LINGO2: variants seen among roughly 807,000 people sequenced by gnomAD.
LINGO2 encodes leucine rich repeat and Ig domain containing 2.
A neutral mutation model predicts 30.6 loss-of-function variants in LINGO2; 14 were observed. The observed-to-expected ratio is 0.46, with a 90% CI of 0.30 to 0.72. The LOEUF (loss-of-function observed/expected upper bound fraction) is 0.72, where lower values mean the gene tolerates loss of function less well. Ranked by LOEUF, LINGO2 falls within the 30% of genes least tolerant of loss-of-function variation. LINGO2 has a pLI of 0.07. For synonymous variants in LINGO2, 317 were observed against 288.5 expected, an observed-to-expected ratio of 1.10 and a Z score of -1.00; for missense variants, 729 against 751.7, an observed-to-expected ratio of 0.97 and a Z score of 0.35.
At chr9:28,387,832 C>T (rs1369463606) in intron 2 of LINGO2, among the ~76,000 whole-genome samples, 6 of 152,128 alleles carry the variant, frequency 3.9e-5, no homozygotes, top group South Asian at 2.1e-4. Context: ...CTGAAGTCAG[C>T]GAGACCACGA....
intron 2 of LINGO2, among the ~76,000 whole-genome samples, chr9:28,447,833 A>C (rs1824487553): frequency 6.6e-6 from 1 of 152,168 alleles, no homozygotes; most frequent in African/African-American, 2.4e-5. Flanking sequence ...ATTGTGATGC[A>C]CTGGATATAT....
At chr9:27,971,416 C>T (rs1406874246) in intron 5 of LINGO2, among the ~76,000 whole-genome samples, 1 of 152,124 alleles carries the variant, frequency 6.6e-6, no homozygotes, top group Non-Finnish European at 1.5e-5. Flanking sequence ...GAGTTCTGCT[C>T]CATCGCCCAG....
At chr9:28,281,167 G>A (rs868409527) in intron 4 of LINGO2, among the ~76,000 whole-genome samples, 5 of 152,120 alleles carry the variant, frequency 3.3e-5, no homozygotes, top group African/African-American at 1.2e-4. Context: ...AGGGTGAAAT[G>A]TGTAGACCCC....
At chr9:28,242,046 A>C (rs183825244) in intron 4 of LINGO2, among the ~76,000 whole-genome samples, 16 of 152,340 alleles carry the variant, frequency 1.1e-4, no homozygotes, top group Admixed American at 2.6e-4. Flanking sequence ...TTGAAACCCA[A>C]AAGGCCAGAG....
At chr9:28,939,601 T>C in the LINGO2 span, among the ~76,000 whole-genome samples, 4 of 152,194 alleles carry the variant, frequency 2.6e-5, no homozygotes, top group Non-Finnish European at 5.9e-5. Flanking sequence ...ACTCCTTTCA[T>C]ACTTTCATAG....
intron 5 of LINGO2, among the ~76,000 whole-genome samples, chr9:27,969,921 G>A (rs548482614): frequency 1.3e-5 from 2 of 152,144 alleles, no homozygotes; most frequent in South Asian, 4.2e-4. Context: ...TAGACCTGCC[G>A]TAGCAGAAAA....
At chr9:29,047,655 C>T in the LINGO2 span, among the ~76,000 whole-genome samples, 54,212 of 151,722 alleles carry the variant, frequency 0.36, 9,784 homozygotes, top group East Asian at 0.48. Context: ...AAAGGGCTTC[C>T]AAATTGGAAA....
At chr9:28,047,849 A>C (rs1004975753) in intron 4 of LINGO2, among the ~76,000 whole-genome samples, 10 of 151,126 alleles carry the variant, frequency 6.6e-5, no homozygotes, top group African/African-American at 2.2e-4. Flanking sequence ...AAAGGTAGGT[A>C]TAATTTTTGC....
intron 4 of LINGO2, among the ~76,000 whole-genome samples, chr9:28,246,119 T>C (rs1472938557): frequency 6.6e-6 from 1 of 151,952 alleles, no homozygotes; most frequent in Non-Finnish European, 1.5e-5. Context: ...TGGAACAGAA[T>C]AGAGACCTCA....
At chr9:28,403,565 T>C (rs983079940) in intron 2 of LINGO2, among the ~76,000 whole-genome samples, 4 of 152,076 alleles carry the variant, frequency 2.6e-5, no homozygotes, top group African/African-American at 9.7e-5. Flanking sequence ...TTATTTAACC[T>C]CTTCTAAACT....
the LINGO2 span, among the ~76,000 whole-genome samples, chr9:29,197,590 T>A: frequency 9.2e-5 from 14 of 152,226 alleles, no homozygotes; most frequent in African/African-American, 2.9e-4. Flanking sequence ...AGTGTTTCAA[T>A]TCAGGGTAAT....
At chr9:28,977,561 C>T in the LINGO2 span, among the ~76,000 whole-genome samples, 1 of 152,026 alleles carries the variant, frequency 6.6e-6, no homozygotes, top group African/African-American at 2.4e-5. Context: ...AGTGTTATGG[C>T]ACAGTTTTGC....
chr9:28,513,023 C>T (rs1374259225), intron 1 of LINGO2, among the ~76,000 whole-genome samples: 1 of 151,804 alleles, frequency 6.6e-6, no homozygotes, highest in African/African-American at 2.4e-5. Context: ...CACAGACACA[C>T]CCAAGATCAA....
intron 2 of LINGO2, among the ~76,000 whole-genome samples, chr9:28,390,885 GTCTA>G (rs1443182003): frequency 3.9e-5 from 6 of 151,976 alleles, no homozygotes; most frequent in Admixed American, 1.3e-4. Context: ...TTGAAAAAGC[GTCTA>G]TCTCTTTTAT....
At chr9:28,529,780 C>A (rs1821162147) in intron 1 of LINGO2, among the ~76,000 whole-genome samples, 1 of 151,608 alleles carries the variant, frequency 6.6e-6, no homozygotes, top group South Asian at 2.1e-4. Context: ...CCCAGGTTTA[C>A]CAGTCTATAA....
chr9:28,105,012 C>G (rs564665094), intron 4 of LINGO2, among the ~76,000 whole-genome samples: 1 of 152,108 alleles, frequency 6.6e-6, no homozygotes, highest in African/African-American at 2.4e-5. Flanking sequence ...TATGTACCTC[C>G]TCTGAAGAAC....
At position 28,068,601 on chromosome 9, in the gene LINGO2, CTT is replaced by C. The variant is rs1825382730; in HGVS notation, c.-86-56198_-86-56197del. 2.0e-5 allele frequency among the ~76,000 whole-genome samples: 3 copies of C among 152,258 alleles called. No homozygotes were observed. In the South Asian group the frequency reaches 6.2e-4, roughly 32 times the overall value. Reference sequence around the variant, plus strand: ...ATCATTACATACTTAGTAGTAATAACTTTTACTCATTTAGCAGTGAACAAAGT... The same window carrying C: ...ATCATTACATACTTAGTAGTAATAACTTACTCATTTAGCAGTGAACAAAGT... On this transcript the variant is annotated intron_variant, in intron 4 of 5. Transcript: ENST00000379992.
At chr9:28,288,661 G>C (rs766290575) in intron 4 of LINGO2, among the ~76,000 whole-genome samples, 1 of 152,140 alleles carries the variant, frequency 6.6e-6, no homozygotes, top group Admixed American at 6.6e-5. Context: ...CTTTTAAAAA[G>C]TGTTTAGAGG....
chr9:28,083,051 C>A (rs2133226655), intron 4 of LINGO2, among the ~76,000 whole-genome samples: 1 of 152,300 alleles, frequency 6.6e-6, no homozygotes, highest in African/African-American at 2.4e-5. Flanking sequence ...CCTTACTTGC[C>A]TGATTCTCTA....
Sources: gnomAD v4.1 joint callset for allele counts (sites outside exome capture counted in the v4.1 genomes callset) on GRCh38, gnomAD v4.1.1 for gene constraint, MANE v1.5 for transcripts, NCBI Gene and HGNC (gene_info 2026-07-23, HGNC 2026-07-21) for gene names.